Variants in RGS6 observed in about 807,000 individuals in gnomAD.
The protein encoded by RGS6 is regulator of G-protein signaling 6.
A neutral mutation model predicts 78.5 loss-of-function variants in RGS6; 30 were observed. The observed-to-expected ratio is 0.38, with a 90% CI of 0.29 to 0.52. The LOEUF (loss-of-function observed/expected upper bound fraction) is 0.52, where lower values mean the gene tolerates loss of function less well. Among genes scored for constraint, RGS6 ranks in the 20% least tolerant of loss-of-function variants. The pLI, the probability that RGS6 is intolerant of heterozygous loss-of-function variation, is 0.85. For synonymous variants in RGS6, 206 were observed against 206.0 expected (o/e 1.00, Z 0.00); for missense variants, 495 against 609.7 (o/e 0.81, Z 1.98).
At chr14:72,460,505 G>A (rs2095750434) in intron 6 of RGS6, among the ~76,000 whole-genome samples, 1 of 152,156 alleles carries the variant, frequency 6.6e-6, no homozygotes, top group African/African-American at 2.4e-5. Context: ...GACAGTTCTG[G>A]TTCTTTATTG....
intron 2 of RGS6, among the ~76,000 whole-genome samples, chr14:72,002,633 C>T (rs533477130): frequency 6.6e-6 from 1 of 152,194 alleles, no homozygotes; most frequent in East Asian, 1.9e-4. Context: ...CCCTGGGCTC[C>T]TTGGGGATGG....
chr14:72,454,609 C>T (rs1270186491), intron 4 of RGS6, 31 bp downstream of exon 4: 3 of 1,597,992 alleles, frequency 1.9e-6, no homozygotes, highest in Non-Finnish European at 2.6e-6. Flanking sequence ...CCCTTATCTC[C>T]CCTGGTATCA....
chr14:72,430,700 G>T (rs4903017), intron 3 of RGS6, among the ~76,000 whole-genome samples: 100,155 of 151,518 alleles, frequency 0.66, 33,625 homozygotes, highest in East Asian at 0.98. Context: ...TTTCTGTGTG[G>T]TGTTGTTGTT....
chr14:72,435,507 A>G (rs1189232987), intron 3 of RGS6, among the ~76,000 whole-genome samples: 1 of 152,240 alleles, frequency 6.6e-6, no homozygotes, highest in Non-Finnish European at 1.5e-5. Context: ...GCAAATTACT[A>G]CAAACTTAGT....
At chr14:72,222,144 C>T (rs180944838) in intron 2 of RGS6, among the ~76,000 whole-genome samples, 31 of 152,290 alleles carry the variant, frequency 2.0e-4, no homozygotes, top group Non-Finnish European at 3.5e-4. Flanking sequence ...TTTACATAGA[C>T]GATTTTATGA....
At chr14:72,201,521 G>C (rs572421101) in intron 2 of RGS6, among the ~76,000 whole-genome samples, 1 of 152,306 alleles carries the variant, frequency 6.6e-6, no homozygotes, top group African/African-American at 2.4e-5. Flanking sequence ...TCTAAAGCCT[G>C]AGCTGTTCAG....
chr14:72,511,526 A>G (rs1224625494), intron 14 of RGS6: 1 of 152,280 alleles, frequency 6.6e-6, no homozygotes, highest in East Asian at 1.9e-4. Context: ...TGATTAAATC[A>G]TTGAATGTCT....
chr14:72,606,603 C>T, the RGS6 span, among the ~76,000 whole-genome samples: 1 of 152,230 alleles, frequency 6.6e-6, no homozygotes, highest in Non-Finnish European at 1.5e-5. Context: ...CAGAGGAAGG[C>T]CGTTCTGCTC....
chr14:72,098,212 C>T (rs1470857700), intron 2 of RGS6, among the ~76,000 whole-genome samples: 2 of 152,190 alleles, frequency 1.3e-5, no homozygotes, highest in African/African-American at 4.8e-5. Flanking sequence ...CCCCTGTCCT[C>T]CTGGAGGTCC....
At chr14:71,869,381 G>A in the RGS6 span, among the ~76,000 whole-genome samples, 1 of 152,200 alleles carries the variant, frequency 6.6e-6, no homozygotes, top group African/African-American at 2.4e-5. Context: ...CAGCTCCAAT[G>A]TGACTACCAT....
At chr14:72,478,665 A>C (rs1458187123) in intron 12 of RGS6, among the ~76,000 whole-genome samples, 1 of 152,230 alleles carries the variant, frequency 6.6e-6, no homozygotes, top group Non-Finnish European at 1.5e-5. Flanking sequence ...TTTCAGCTAT[A>C]AAATGCCCAG....
At chr14:71,967,552 T>C (rs1281755646) in intron 2 of RGS6, among the ~76,000 whole-genome samples, 4 of 152,210 alleles carry the variant, frequency 2.6e-5, no homozygotes, top group Non-Finnish European at 4.4e-5. Flanking sequence ...TTATTCAAAG[T>C]CATAGCCATA....
the RGS6 span, among the ~76,000 whole-genome samples, chr14:72,625,785 T>G: frequency 0.042 from 6,404 of 152,296 alleles, 240 homozygotes; most frequent in East Asian, 0.11. Context: ...TTCATAGTGA[T>G]ACCCACTATT....
chr14:72,176,497 G>A (rs946912049), intron 2 of RGS6, among the ~76,000 whole-genome samples: 3 of 152,192 alleles, frequency 2.0e-5, no homozygotes, highest in Non-Finnish European at 2.9e-5. Flanking sequence ...CCTGCTGAGC[G>A]CATAGCCATG....
At chr14:72,269,566 AATTTTTT>A (rs1567625751) in intron 2 of RGS6, among the ~76,000 whole-genome samples, 2 of 21,306 alleles carry the variant, frequency 9.4e-5, no homozygotes, top group African/African-American at 1.9e-4. Context: ...ACCTATCTTA[AATTTTTT>A]TTTTTTTTTT....
chr14:72,423,338 C>A (rs546475800), intron 3 of RGS6, among the ~76,000 whole-genome samples: 3 of 152,182 alleles, frequency 2.0e-5, no homozygotes, highest in African/African-American at 7.2e-5. Context: ...GCTGATGGCC[C>A]TGGGCTGCTT....
intron 2 of RGS6, among the ~76,000 whole-genome samples, chr14:72,259,225 G>A (rs12897241): frequency 0.058 from 8,755 of 152,182 alleles, 364 homozygotes; most frequent in East Asian, 0.26. Flanking sequence ...ATCAGATTTT[G>A]CAAAAATAAC....
chr14:71,949,115 C>T (rs1252322293), intron 1 of RGS6, among the ~76,000 whole-genome samples: 1 of 152,000 alleles, frequency 6.6e-6, no homozygotes, highest in Non-Finnish European at 1.5e-5. Context: ...ATGAATAGTG[C>T]TGCTATGAAT....
At chr14:72,016,006 G>A in intron 2 of RGS6, among the ~76,000 whole-genome samples, 1 of 152,022 alleles carries the variant, frequency 6.6e-6, no homozygotes, top group Non-Finnish European at 1.5e-5. Context: ...TGTGGCTTAT[G>A]TTTTGACTTT....
Sources: gnomAD v4.1 joint callset for allele counts (sites outside exome capture counted in the v4.1 genomes callset) on GRCh38, gnomAD v4.1.1 for gene constraint, MANE v1.5 for transcripts, NCBI Gene and HGNC (gene_info 2026-07-23, HGNC 2026-07-21) for gene names.